The following TSPAN9 variants were observed in gnomAD, a reference collection of about 807,000 sequenced individuals.
The protein encoded by TSPAN9 is tetraspanin-9.
TSPAN9 carries 16 observed loss-of-function variants against 31.0 expected under a neutral mutation model. That is an observed-to-expected ratio of 0.52 (90% CI 0.35 to 0.78). TSPAN9 has a LOEUF of 0.78. Ranked by LOEUF, TSPAN9 falls within the 30% of genes least tolerant of loss-of-function variation. The pLI is 0.01. For synonymous variants in TSPAN9, 145 were observed against 121.6 expected (o/e 1.19, Z -1.27); for missense variants, 272 against 312.5 (o/e 0.87, Z 0.98).
chr12:3,284,720 C>T lies in TSPAN9; in HGVS notation c.*1604C>T, dbSNP rs949574035. The T allele has an allele frequency of 6.6e-6, 1 of 152,198 alleles. No individual in the cohort carries two copies. The highest frequency in any genetic ancestry group is 1.5e-5 in the Non-Finnish European group (1 of 68,048). The allele number at this position is 152,198 out of a possible 1,614,324, so 9.4% of individuals were successfully genotyped here. On this transcript the variant is annotated 3_prime_UTR_variant, in exon 9 of 9. Transcript: ENST00000011898. Reference sequence around the variant, plus strand: ...GGTCGCGAATCCGTGGGACTGAGCACGGGGACCTCACCCGCTAGCCAGCGT... The same window carrying T: ...GGTCGCGAATCCGTGGGACTGAGCATGGGGACCTCACCCGCTAGCCAGCGT...
chr12:3,189,400 T>A (rs2098363145), intron 2 of TSPAN9, among the ~76,000 whole-genome samples: 1 of 152,074 alleles, frequency 6.6e-6, no homozygotes, highest in African/African-American at 2.4e-5. Flanking sequence ...CCTGGGGAAG[T>A]TTTTGAGCTG....
At chr12:3,098,614 A>G (rs1402890202) in intron 2 of TSPAN9, among the ~76,000 whole-genome samples, 1 of 151,732 alleles carries the variant, frequency 6.6e-6, no homozygotes. Flanking sequence ...CTTTGTCCGT[A>G]TTGTTTCTGT....
intron 2 of TSPAN9, among the ~76,000 whole-genome samples, chr12:3,158,951 G>A (rs144299441): frequency 1.5e-4 from 23 of 151,806 alleles, no homozygotes; most frequent in African/African-American, 4.8e-4. Context: ...TGCCCGGCAC[G>A]TCACAGATAT....
intron 3 of TSPAN9, among the ~76,000 whole-genome samples, chr12:3,274,290 G>C (rs1268380599): frequency 6.6e-6 from 1 of 152,212 alleles, no homozygotes; most frequent in East Asian, 1.9e-4. Flanking sequence ...TCTCAGACTC[G>C]GCTAAGACTG....
intron 2 of TSPAN9, among the ~76,000 whole-genome samples, chr12:3,175,589 G>T (rs2098355097): frequency 6.7e-6 from 1 of 149,206 alleles, no homozygotes. Context: ...CCCAGAGCAA[G>T]AGCTGCACTT....
chr12:3,268,635 T>G, intron 3 of TSPAN9, among the ~76,000 whole-genome samples: 1 of 129,172 alleles, frequency 7.7e-6, no homozygotes, highest in Non-Finnish European at 1.6e-5. Flanking sequence ...CTGCCCTCTG[T>G]GCGTTCCTGC....
chr12:3,096,909 AG>A (rs1319240535), intron 2 of TSPAN9, among the ~76,000 whole-genome samples: 7 of 152,220 alleles, frequency 4.6e-5, no homozygotes, highest in African/African-American at 1.7e-4. Flanking sequence ...CATGTTAGCC[AG>A]GATGGTCTCG....
At chr12:3,267,459 A>G (rs748176344) in intron 3 of TSPAN9, among the ~76,000 whole-genome samples, 21 of 152,176 alleles carry the variant, frequency 1.4e-4, no homozygotes, top group Non-Finnish European at 2.8e-4. Flanking sequence ...CTGGGCTCCA[A>G]GTCCTGAGGT....
intron 2 of TSPAN9, among the ~76,000 whole-genome samples, chr12:3,197,290 G>A (rs1002330147): frequency 4.6e-5 from 7 of 152,304 alleles, no homozygotes; most frequent in South Asian, 2.1e-4. Flanking sequence ...AGCGGCAGCC[G>A]TGGGCCCCTC....
intron 2 of TSPAN9, among the ~76,000 whole-genome samples, chr12:3,196,375 C>A (rs527438586): frequency 6.6e-6 from 1 of 152,316 alleles, no homozygotes; most frequent in African/African-American, 2.4e-5. Context: ...CACATCAGGA[C>A]ATGATATTTC....
chr12:3,236,412 G>T (rs1474385886), intron 3 of TSPAN9, among the ~76,000 whole-genome samples: 1 of 152,232 alleles, frequency 6.6e-6, no homozygotes, highest in Admixed American at 6.5e-5. Context: ...AGATGAGGCA[G>T]CTGGAGCTCA....
intron 2 of TSPAN9, among the ~76,000 whole-genome samples, chr12:3,178,105 C>T (rs530018187): frequency 2.6e-5 from 4 of 152,206 alleles, no homozygotes; most frequent in Admixed American, 6.5e-5. Flanking sequence ...GGCCTTTCCC[C>T]GCTGTATGCT....
chr12:3,099,117 T>G (rs2098310594), intron 2 of TSPAN9, among the ~76,000 whole-genome samples: 1 of 152,152 alleles, frequency 6.6e-6, no homozygotes, highest in African/African-American at 2.4e-5. Flanking sequence ...TGTTTAAGTA[T>G]TTTTCCATCT....
chr12:3,201,735 C>G (rs572687469), intron 3 of TSPAN9, among the ~76,000 whole-genome samples: 34 of 152,004 alleles, frequency 2.2e-4, no homozygotes, highest in Non-Finnish European at 4.4e-4. Flanking sequence ...TGGAGGGGGG[C>G]GGGGTGTAGA....
intron 1 of TSPAN9, 46 bp downstream of exon 1, chr12:3,077,499 G>C (rs1402411093): frequency 6.6e-6 from 1 of 152,384 alleles, no homozygotes; most frequent in East Asian, 1.9e-4. Context: ...TCTCGAGAGC[G>C]TGCGGAGTCG....
At chr12:3,236,700 C>T (rs1475143452) in intron 3 of TSPAN9, among the ~76,000 whole-genome samples, 13 of 152,082 alleles carry the variant, frequency 8.5e-5, no homozygotes, top group Admixed American at 8.5e-4. Context: ...TGCTTCCCAG[C>T]CTTTGTAGGG....
chr12:3,133,117 T>TTTC (rs1277313195), intron 2 of TSPAN9, among the ~76,000 whole-genome samples: 1 of 152,142 alleles, frequency 6.6e-6, no homozygotes, highest in African/African-American at 2.4e-5. Context: ...GGTGAAGGAA[T>TTTC]TTCAGGCACG....
chr12:3,159,302 C>G (rs4766055), intron 2 of TSPAN9, among the ~76,000 whole-genome samples: 151,448 of 151,662 alleles, frequency 1, 75,618 homozygotes, highest in Middle Eastern at 1. Flanking sequence ...TGTCTGGGTC[C>G]GTCTCAGTTC....
At chr12:3,133,495 C>G (rs1445339819) in intron 2 of TSPAN9, among the ~76,000 whole-genome samples, 1 of 152,166 alleles carries the variant, frequency 6.6e-6, no homozygotes, top group Non-Finnish European at 1.5e-5. Context: ...GGGGAAATCA[C>G]AGGAGAGCCT....
Sources: allele counts gnomAD v4.1 joint callset (sites outside exome capture counted in the v4.1 genomes callset), GRCh38; gene constraint gnomAD v4.1.1; transcripts MANE v1.5; gene names NCBI Gene and HGNC (gene_info 2026-07-23, HGNC 2026-07-21).